The following MIPEP variants were observed in gnomAD, a reference collection of about 807,000 sequenced individuals.
MIPEP encodes the protein mitochondrial intermediate peptidase.
MIPEP carries 79 observed loss-of-function variants against 90.3 expected under a neutral mutation model. The observed-to-expected ratio is 0.87, with a 90% CI of 0.73 to 1.05. The LOEUF (loss-of-function observed/expected upper bound fraction) is 1.05. MIPEP is among the 50% of genes least tolerant of loss of function. The pLI is 0.00. For synonymous variants in MIPEP, 334 were observed against 315.8 expected (o/e 1.06, Z -0.61); for missense variants, 940 against 905.6 (o/e 1.04, Z -0.49).
At chr13:23,769,272 G>A (rs554162779) in intron 16 of MIPEP, among the ~76,000 whole-genome samples, 1 of 152,308 alleles carries the variant, frequency 6.6e-6, no homozygotes, top group East Asian at 1.9e-4. Context: ...ACCCTGATCA[G>A]GCAGCTCTGG....
At chr13:23,791,675 C>A (rs573909332) in intron 16 of MIPEP, among the ~76,000 whole-genome samples, 2 of 151,666 alleles carry the variant, frequency 1.3e-5, no homozygotes, top group African/African-American at 4.9e-5. Flanking sequence ...ACATATTATT[C>A]ACCTCGTTAA....
At chr13:23,752,413 A>C (rs1952451442) in intron 18 of MIPEP, among the ~76,000 whole-genome samples, 1 of 152,204 alleles carries the variant, frequency 6.6e-6, no homozygotes, top group Non-Finnish European at 1.5e-5. Context: ...TGCTATTCAC[A>C]AGCCTCAGCA....
chr13:23,883,204 A>G (rs1871339925), intron 2 of MIPEP, among the ~76,000 whole-genome samples: 1 of 152,166 alleles, frequency 6.6e-6, no homozygotes, highest in African/African-American at 2.4e-5. Context: ...ACATATACAA[A>G]TCACATCTTT....
chr13:23,786,914 G>A (rs1176106842), intron 16 of MIPEP, among the ~76,000 whole-genome samples: 1 of 152,082 alleles, frequency 6.6e-6, no homozygotes, highest in African/African-American at 2.4e-5. Flanking sequence ...CTATAATAAC[G>A]AAAAAGGAGT....
intron 3 of MIPEP, among the ~76,000 whole-genome samples, chr13:23,881,244 G>T (rs1871259727): frequency 6.6e-6 from 1 of 152,074 alleles, no homozygotes; most frequent in South Asian, 2.1e-4. Context: ...CTCGCCCCGT[G>T]GCCCACAGCC....
At chr13:23,869,176 T>C (rs1341571403) in intron 7 of MIPEP, 116 bp downstream of exon 7, 17 of 894,818 alleles carry the variant, frequency 1.9e-5, no homozygotes, top group Admixed American at 2.9e-5. Flanking sequence ...AAAATCTCAA[T>C]AAATGGTTCT....
intron 16 of MIPEP, among the ~76,000 whole-genome samples, chr13:23,788,409 G>T (rs538944873): frequency 6.6e-6 from 1 of 152,320 alleles, no homozygotes; most frequent in East Asian, 1.9e-4. Flanking sequence ...CGCACTATCA[G>T]TATTTAGGAA....
intron 16 of MIPEP, among the ~76,000 whole-genome samples, chr13:23,773,466 G>C (rs1293581851): frequency 6.6e-6 from 1 of 152,156 alleles, no homozygotes; most frequent in Non-Finnish European, 1.5e-5. Context: ...TATTGGGTGA[G>C]AGTTCCCTAC....
intron 9 of MIPEP, 63 bp downstream of exon 9, chr13:23,862,239 A>G (rs1036962521): frequency 3.3e-5 from 34 of 1,018,394 alleles, no homozygotes; most frequent in Admixed American, 1.3e-4. Flanking sequence ...TCCTGAATCA[A>G]AAGATATTGA....
chr13:23,889,186 G>A lies in MIPEP; in HGVS notation c.135C>T (p.Ala45=). Residue 45 remains alanine (A), a synonymous_variant, in exon 1 of 19, where the codon GCC becomes GCT. Coordinates refer to ENST00000382172, the MANE Select transcript of MIPEP (RefSeq NM_005932.4). ...TGCCCTGGGGCTTGACATTGAAGGC[G>A]GCGCCCACGGGAGACCAGCTGGTGC... The part of the protein sequence containing the change: ...RVSTSWSPVG[A]AFNVKPQGSR... 2.0e-6 allele frequency: 3 copies of A among 1,465,392 alleles called. No homozygotes were observed. Among genetic ancestry groups the A allele is most frequent in the Non-Finnish European group, 2.7e-6 (3 of 1,110,190 alleles). 90.8% of individuals were successfully genotyped at this position (1,465,392 alleles called of 1,614,324 possible). A position where few individuals can be genotyped will look rare whatever the true frequency, so the allele number is the denominator to read the frequency against.
At chr13:23,809,955 T>TA (rs1953154086) in intron 14 of MIPEP, 31 bp from the exon 15 acceptor site, 1 of 1,414,092 alleles carries the variant, frequency 7.1e-7, no homozygotes, top group African/African-American at 1.4e-5. Flanking sequence ...TATATGTGAG[T>TA]AAACTGCGTA....
At chr13:23,833,528 T>C (rs1044147550) in intron 14 of MIPEP, among the ~76,000 whole-genome samples, 1 of 152,236 alleles carries the variant, frequency 6.6e-6, no homozygotes, top group Admixed American at 6.5e-5. Context: ...TCTTGTTTTC[T>C]TGCATCTAGT....
chr13:23,775,704 C>A (rs980073153), intron 16 of MIPEP, among the ~76,000 whole-genome samples: 1 of 152,106 alleles, frequency 6.6e-6, no homozygotes, highest in Non-Finnish European at 1.5e-5. Context: ...ATAAAAATAT[C>A]CTTGCCAAAA....
chr13:23,768,217 G>A lies in MIPEP; in HGVS notation c.1849-8000C>T, dbSNP rs983605736. On this transcript the variant is annotated intron_variant, in intron 16 of 18. Transcript: ENST00000382172. Reference sequence around the variant, plus strand: ...TCTGCTAGCTTGATAGGCAAGGGGAGGCCAAGTTTACACCCGGCTTGATTT... The same window carrying A: ...TCTGCTAGCTTGATAGGCAAGGGGAAGCCAAGTTTACACCCGGCTTGATTT... Among the ~76,000 whole-genome samples the A allele has an allele frequency of 4.6e-5, 7 of 152,282 alleles. No homozygotes were observed. In the East Asian group the frequency reaches 1.2e-3, roughly 25 times the overall value.
intron 9 of MIPEP, among the ~76,000 whole-genome samples, chr13:23,860,206 CG>C: frequency 6.6e-6 from 1 of 152,224 alleles, no homozygotes; most frequent in Middle Eastern, 3.4e-3. Flanking sequence ...TAAATCACAG[CG>C]GAAGGTTAGG....
intron 7 of MIPEP, among the ~76,000 whole-genome samples, chr13:23,867,858 C>T (rs538120332): frequency 6.6e-6 from 1 of 152,040 alleles, no homozygotes; most frequent in East Asian, 1.9e-4. Flanking sequence ...ATACAAATAC[C>T]TACCTCACAA....
intron 16 of MIPEP, among the ~76,000 whole-genome samples, chr13:23,768,787 TA>T (rs757650488): frequency 6.6e-6 from 1 of 152,074 alleles, no homozygotes; most frequent in Non-Finnish European, 1.5e-5. Flanking sequence ...GATGTAATGT[TA>T]AGGACAAACA....
chr13:23,885,753 T>C lies in MIPEP; in HGVS notation c.363+580A>G, dbSNP rs1871450963. On this transcript the variant is annotated intron_variant, in intron 2 of 18. Coordinates refer to ENST00000382172, the MANE Select transcript of MIPEP (RefSeq NM_005932.4). ...GTTTTTAATTAAAAAAAAAAAAGCA[T>C]TCCTGAAAAGGTTTATTAAAACTGG... is the stretch of plus-strand genomic sequence containing the variant. Among the ~76,000 whole-genome samples, 3 of 151,230 alleles carry C rather than the reference T, an allele frequency of 2.0e-5. No individual in the cohort carries two copies. The South Asian group carries it at 6.3e-4, about 32-fold the overall frequency.
intron 14 of MIPEP, 39 bp from the exon 15 acceptor site, chr13:23,809,963 G>GT: frequency 1.5e-6 from 2 of 1,327,972 alleles, no homozygotes; most frequent in Non-Finnish European, 2.2e-6. Flanking sequence ...AGTAAACTGC[G>GT]TAATAAGTCA....
Sources: allele counts gnomAD v4.1 joint callset (sites outside exome capture counted in the v4.1 genomes callset), GRCh38; gene constraint gnomAD v4.1.1; transcripts MANE v1.5; gene names NCBI Gene and HGNC (gene_info 2026-07-23, HGNC 2026-07-21).